SLFN12: variants seen among roughly 807,000 people sequenced by gnomAD.
The protein encoded by SLFN12 is ribonuclease SLFN12.
SLFN12 carries 25 observed loss-of-function variants against 29.1 expected under a neutral mutation model. The ratio of observed to expected loss-of-function variants is 0.86; its 90% CI spans 0.63 to 1.20. SLFN12 has a LOEUF of 1.20. SLFN12 is among the 50% of genes most tolerant of loss of function. The pLI is 0.00. For missense variants in SLFN12, 660 were observed against 666.2 expected, an observed-to-expected ratio of 0.99 and a Z score of 0.10; for synonymous variants, 257 against 238.7, an observed-to-expected ratio of 1.08 and a Z score of -0.71.
intron 1 of SLFN12, among the ~76,000 whole-genome samples, chr17:35,431,632 C>A (rs1912322478): frequency 6.6e-6 from 1 of 152,096 alleles, no homozygotes; most frequent in Non-Finnish European, 1.5e-5. Context: ...TCACCAGTGC[C>A]ACTTTACATG....
rs538352342 is a variant in SLFN12 at position 35,411,227 on chromosome 17, T to A, written c.*111A>T. The A allele has an allele frequency of 2.9e-5, 22 of 749,614 alleles. No homozygotes were observed. Among genetic ancestry groups the A allele is most frequent in the South Asian group, 1.4e-4 (7 of 48,932 alleles). The allele number at this position is 749,614 out of a possible 1,614,324, so 46.4% of individuals were successfully genotyped here. ...ATAGACAAAACCCAATTATCCAACA[T>A]CACATTAAGTTGCTTAACTTGCAAA... is the stretch of plus-strand genomic sequence containing the variant. On this transcript the variant is annotated 3_prime_UTR_variant, in exon 4 of 4. Transcript: ENST00000304905.
chr17:35,424,360 G>T (rs1394486857), intron 1 of SLFN12, among the ~76,000 whole-genome samples: 1 of 151,572 alleles, frequency 6.6e-6, no homozygotes, highest in Non-Finnish European at 1.5e-5. Context: ...TTTAAAAAAA[G>T]TGTAATTTAT....
In SLFN12 at chr17:35,426,863, C is replaced by A. The variant is rs571436834; in HGVS notation, c.-40-3795G>T. Among the ~76,000 whole-genome samples the A allele has an allele frequency of 5.3e-5, 8 of 152,252 alleles. No individual in the cohort carries two copies. The South Asian group carries it at 1.7e-3, about 32-fold the overall frequency. ...CTTGATTCCTCTACATACATGCCTG[C>A]TTTTGAATGTCTTAATTTCCCAAAG... On this transcript the variant is annotated intron_variant, in intron 1 of 3. Coordinates refer to ENST00000304905, the MANE Select transcript of SLFN12 (RefSeq NM_018042.5).
In SLFN12 at chr17:35,429,253, A is replaced by G. The variant is rs142267858; in HGVS notation, c.-41+2935T>C. Among the ~76,000 whole-genome samples, 1,389 of 152,068 alleles carry G rather than the reference A, an allele frequency of 9.1e-3. 18 individuals carry two copies. The highest frequency in any genetic ancestry group is 0.032 in the African/African-American group (1,335 of 41,504). ...TGCTCATACCACTGAGAAACTTGGA[A>G]CCCATGGGAGCTGCAGTTGAGCCAC... On this transcript the variant is annotated intron_variant, in intron 1 of 3. Coordinates refer to ENST00000304905, the MANE Select transcript of SLFN12 (RefSeq NM_018042.5).
intron 1 of SLFN12, among the ~76,000 whole-genome samples, chr17:35,423,640 C>T (rs1272861115): frequency 2.0e-5 from 3 of 151,934 alleles, no homozygotes; most frequent in Non-Finnish European, 4.4e-5. Flanking sequence ...GTCATTGTGC[C>T]CTTTTTAAAT....
chr17:35,426,801 T>C (rs1010835020), intron 1 of SLFN12, among the ~76,000 whole-genome samples: 1 of 152,168 alleles, frequency 6.6e-6, no homozygotes, highest in Non-Finnish European at 1.5e-5. Flanking sequence ...TCAGGTCTTT[T>C]CTGAGCATTT....
intron 3 of SLFN12, among the ~76,000 whole-genome samples, chr17:35,416,360 G>T (rs1911311753): frequency 6.6e-6 from 1 of 152,062 alleles, no homozygotes; most frequent in Non-Finnish European, 1.5e-5. Flanking sequence ...GGGAAGGGTG[G>T]AAGGGGAATG....
intron 2 of SLFN12, among the ~76,000 whole-genome samples, chr17:35,421,406 T>C (rs1405224452): frequency 6.6e-6 from 1 of 151,652 alleles, no homozygotes; most frequent in Non-Finnish European, 1.5e-5. Context: ...ATAGACGTGG[T>C]AGGGAAGAAA....
intron 1 of SLFN12, among the ~76,000 whole-genome samples, chr17:35,425,838 C>CTTTTTTTTTTTTT (rs58492425): frequency 0.011 from 447 of 39,132 alleles, 65 homozygotes; most frequent in Non-Finnish European, 0.013. Context: ...CTTTTCTTTT[C>CTTTTTTTTTTTTT]TTTTTTTTTT....
At position 35,422,149 on chromosome 17, in the gene SLFN12, CA is replaced by C. The variant is rs1181976076; in HGVS notation, c.879del (p.Tyr293Ter). On this transcript the variant is annotated frameshift_variant, in exon 2 of 4. Transcript: ENST00000304905. LOFTEE classifies it high-confidence loss of function. The stretch of plus-strand genomic sequence containing the variant: ...ACATATCCACAAAGACTTCCTTTAT[CA>C]TATACTCCAAGGAATTTGCATGAAT... ...INYSCKFLGV[Y>X]DKGSLCGYVC... 6.2e-7 allele frequency: 1 copy of C among 1,614,122 alleles called. No individual in the cohort carries two copies. The highest frequency in any genetic ancestry group is 1.7e-5 in the Admixed American group (1 of 60,020).
At position 35,411,938 on chromosome 17, in the gene SLFN12, AAAT is replaced by A. The variant is rs776679731; in HGVS notation, c.1148-14_1148-12del. 14 of 1,513,446 alleles carry A rather than the reference AAAT, an allele frequency of 9.3e-6. No homozygotes were observed. The highest frequency in any genetic ancestry group is 2.1e-5 in the Admixed American group (1 of 47,184). 93.8% of individuals were successfully genotyped at this position (1,513,446 alleles called of 1,614,324 possible). ...TCCTTCCTGATAGCCCTGAATAAGG[AAAT>A]AATAATAATAAATTATAAAACACTA... On this transcript the variant is annotated splice_polypyrimidine_tract_variant and intron_variant, in intron 3 of 3. Coordinates refer to ENST00000304905, the MANE Select transcript of SLFN12 (RefSeq NM_018042.5).
upstream of SLFN12, chr17:35,433,157 A>G (rs1298455010): frequency 6.6e-6 from 1 of 152,216 alleles, no homozygotes; most frequent in Non-Finnish European, 1.5e-5. Flanking sequence ...CTCTCCACAG[A>G]GTAAAAAGAA....
intron 3 of SLFN12, among the ~76,000 whole-genome samples, chr17:35,419,291 T>C (rs1182579802): frequency 1.2e-4 from 18 of 152,110 alleles, no homozygotes; most frequent in Non-Finnish European, 1.9e-4. Context: ...TTAAAACTAC[T>C]ACTTATGAGA....
intron 3 of SLFN12, among the ~76,000 whole-genome samples, chr17:35,413,674 G>C (rs565339833): frequency 1.3e-5 from 2 of 151,434 alleles, no homozygotes; most frequent in Non-Finnish European, 2.9e-5. Context: ...GCTTGAACCC[G>C]GGAGGTGGAG....
In SLFN12 at chr17:35,421,981, G is replaced by C. The variant is rs117621072; in HGVS notation, c.1039+9C>G. On this transcript the variant is annotated intron_variant, in intron 2 of 3. Coordinates refer to ENST00000304905, the MANE Select transcript of SLFN12 (RefSeq NM_018042.5). Reference sequence around the variant, plus strand: ...AATGCATTCCTGTTGCGAATCCCCCGCTCTCAACTTGGTTCAGCCTCCACC... The same window carrying C: ...AATGCATTCCTGTTGCGAATCCCCCCCTCTCAACTTGGTTCAGCCTCCACC... 6.2e-7 allele frequency: 1 copy of C among 1,609,136 alleles called. No homozygotes were observed. Among genetic ancestry groups the C allele is most frequent in the Non-Finnish European group, 8.5e-7 (1 of 1,176,482 alleles).
chr17:35,424,081 C>G (rs1911860405), intron 1 of SLFN12, among the ~76,000 whole-genome samples: 1 of 152,130 alleles, frequency 6.6e-6, no homozygotes, highest in South Asian at 2.1e-4. Flanking sequence ...TATCCCTAAT[C>G]CATTAGCTCT....
chr17:35,413,361 A>G (rs1911137622), intron 3 of SLFN12, among the ~76,000 whole-genome samples: 1 of 151,828 alleles, frequency 6.6e-6, no homozygotes, highest in Admixed American at 6.6e-5. Flanking sequence ...GGACACTACA[A>G]AAAAAAAGAA....
chr17:35,422,201 G>C lies in SLFN12; in HGVS notation c.828C>G (p.Phe276Leu). 2 of 1,614,090 alleles carry C rather than the reference G, an allele frequency of 1.2e-6. No homozygotes were observed. Among genetic ancestry groups the C allele is most frequent in the Non-Finnish European group, 1.7e-6 (2 of 1,179,998 alleles). The stretch of plus-strand genomic sequence containing the variant: ...AATTTATCTTCTTCTTCTCCATACA[G>C]AAGTGATGCACAGGCATCTTCCTAA... ...KSIRKMPVHH[F>L]CMEKKKINYS... Residue 276 changes from phenylalanine (F) to leucine (L), a missense_variant, in exon 2 of 4, where the codon TTC becomes TTG. Physicochemically the swap from Phe to Leu is conservative, Grantham distance 22. Transcript: ENST00000304905.
chr17:35,432,285 A>G lies in SLFN12; in HGVS notation c.-138T>C, dbSNP rs1030174700. On this transcript the variant is annotated 5_prime_UTR_variant, in exon 1 of 4. Transcript: ENST00000304905. ...GGACAAACACACAAACAAAGCAAGG[A>G]AAGAATGAAGCAACAAAAGCAGAGA... 2.6e-5 allele frequency: 4 copies of G among 152,228 alleles called. No individual in the cohort carries two copies. Among genetic ancestry groups the G allele is most frequent in the Non-Finnish European group, 4.4e-5 (3 of 68,062 alleles). 9.4% of individuals were successfully genotyped at this position (152,228 alleles called of 1,614,324 possible).
Sources: allele counts gnomAD v4.1 joint callset (sites outside exome capture counted in the v4.1 genomes callset), GRCh38; gene constraint gnomAD v4.1.1; transcripts MANE v1.5; gene names NCBI Gene and HGNC (gene_info 2026-07-23, HGNC 2026-07-21).